The following TJP1 variants were observed in gnomAD, a reference collection of about 807,000 sequenced individuals.
TJP1 encodes the protein tight junction protein ZO-1.
A neutral mutation model predicts 194.2 loss-of-function variants in TJP1; 43 were observed. The observed-to-expected ratio is 0.22, with a 90% CI of 0.17 to 0.29. The LOEUF (loss-of-function observed/expected upper bound fraction) is 0.29, where lower values mean the gene tolerates loss of function less well. Among genes scored for constraint, TJP1 ranks in the 10% least tolerant of loss-of-function variants. The pLI, the probability that TJP1 is intolerant of heterozygous loss-of-function variation, is 1.00. For synonymous variants in TJP1, 801 were observed against 779.0 expected (o/e 1.03, Z -0.47); for missense variants, 1,971 against 2,185.7 (o/e 0.90, Z 1.96).
chr15:29,949,283 ACCG>A (rs1169559887), intron 2 of TJP1, among the ~76,000 whole-genome samples: 1 of 91,304 alleles, frequency 1.1e-5, no homozygotes, highest in Non-Finnish European at 2.1e-5. Context: ...CATCACCTCC[ACCG>A]CCATCACCTC....
At chr15:29,749,873 C>A (rs141107417) in intron 8 of TJP1, among the ~76,000 whole-genome samples, 1 of 152,140 alleles carries the variant, frequency 6.6e-6, no homozygotes, top group Non-Finnish European at 1.5e-5. Flanking sequence ...GACGGAGTCA[C>A]GCTCTGTCAC....
chr15:29,730,203 A>C (rs961545793), intron 15 of TJP1, among the ~76,000 whole-genome samples: 1 of 152,144 alleles, frequency 6.6e-6, no homozygotes, highest in African/African-American at 2.4e-5. Flanking sequence ...ATGGAATAAA[A>C]TTTAGGGTGG....
At chr15:29,817,725 A>C (rs1452236525) in intron 1 of TJP1, among the ~76,000 whole-genome samples, 3 of 152,184 alleles carry the variant, frequency 2.0e-5, no homozygotes, top group African/African-American at 4.8e-5. Context: ...TCAGCAAACT[A>C]ACACCAGAAC....
intron 2 of TJP1, among the ~76,000 whole-genome samples, chr15:29,791,736 T>C (rs1250319644): frequency 6.6e-6 from 1 of 152,140 alleles, no homozygotes; most frequent in Non-Finnish European, 1.5e-5. Context: ...TACATTCCTA[T>C]CAACAACGTA....
At chr15:29,757,557 T>C (rs770858522) in intron 8 of TJP1, among the ~76,000 whole-genome samples, 8 of 152,198 alleles carry the variant, frequency 5.3e-5, no homozygotes, top group Non-Finnish European at 1.0e-4. Flanking sequence ...ACTCCACAGT[T>C]ACAGGATTTG....
chr15:29,850,925 G>T (rs1401628920), intron 2 of TJP1, among the ~76,000 whole-genome samples: 1 of 152,122 alleles, frequency 6.6e-6, no homozygotes, highest in Non-Finnish European at 1.5e-5. Flanking sequence ...ATCACTTGAG[G>T]CCAGTAGTTT....
At chr15:29,720,217 C>A in intron 19 of TJP1, 141 bp downstream of exon 19, 1 of 1,106,382 alleles carries the variant, frequency 9.0e-7, no homozygotes, top group Non-Finnish European at 1.3e-6. Flanking sequence ...TAGAATTAAG[C>A]CCTTGGTACT....
intron 23 of TJP1, among the ~76,000 whole-genome samples, chr15:29,711,660 C>A (rs138939875): frequency 6.6e-6 from 1 of 152,210 alleles, no homozygotes; most frequent in Non-Finnish European, 1.5e-5. Context: ...AGCCACCGCA[C>A]CCGGCCCTAG....
At chr15:29,879,766 C>G (rs2052859521) in intron 2 of TJP1, among the ~76,000 whole-genome samples, 1 of 152,092 alleles carries the variant, frequency 6.6e-6, no homozygotes, top group African/African-American at 2.4e-5. Flanking sequence ...AGCTGGAGGG[C>G]AGTGGTGTGA....
chr15:29,718,344 G>A lies in TJP1; in HGVS notation c.3798C>T (p.Thr1266=), dbSNP rs201434992. ...DPAMKPQSVL[T]RVKMFENKRS... ...TTTTGTTTTCAAACATCTTAACTCT[G>A]GTGAGTACAGACTGTGGCTTCATTG... The change falls in exon 21 of 28, where the codon ACC becomes ACT. Residue 1266 remains threonine (T), a synonymous_variant. Transcript: ENST00000614355. The A allele has an allele frequency of 1.1e-5, 17 of 1,614,034 alleles. No homozygotes were observed. In the African/African-American group the frequency reaches 1.2e-4, roughly 11 times the overall value.
intron 2 of TJP1, among the ~76,000 whole-genome samples, chr15:29,845,486 A>G (rs2152073194): frequency 6.6e-6 from 1 of 152,288 alleles, no homozygotes; most frequent in South Asian, 2.1e-4. Flanking sequence ...CAAGCAAAAT[A>G]AAGAAGACAA....
intron 2 of TJP1, among the ~76,000 whole-genome samples, chr15:29,869,814 T>C (rs1022468103): frequency 7.6e-6 from 1 of 132,108 alleles, no homozygotes; most frequent in African/African-American, 2.8e-5. Context: ...TTTTTTTTTT[T>C]TTTTTTTTTT....
chr15:29,935,372 A>G (rs1477294285), intron 2 of TJP1, among the ~76,000 whole-genome samples: 1 of 152,172 alleles, frequency 6.6e-6, no homozygotes, highest in East Asian at 1.9e-4. Context: ...TGTGTCTTGT[A>G]GCAACCATTG....
intron 1 of TJP1, among the ~76,000 whole-genome samples, chr15:29,819,022 T>C (rs1287394216): frequency 1.3e-5 from 2 of 152,212 alleles, no homozygotes; most frequent in East Asian, 1.9e-4. Context: ...TTCACCATGT[T>C]GGCCAGGCTG....
intron 1 of TJP1, among the ~76,000 whole-genome samples, chr15:29,814,226 G>C (rs905463937): frequency 1.3e-5 from 2 of 152,160 alleles, no homozygotes; most frequent in Admixed American, 6.5e-5. Flanking sequence ...AAGCACACAA[G>C]AATGCTCTGT....
intron 27 of TJP1, 52 bp downstream of exon 27, chr15:29,704,110 T>A: frequency 6.5e-7 from 1 of 1,529,638 alleles, no homozygotes; most frequent in Non-Finnish European, 8.9e-7. Context: ...GCCCAGGTAT[T>A]AATCAACGAC....
chr15:29,764,436 C>A (rs962879460), intron 5 of TJP1, among the ~76,000 whole-genome samples: 3 of 151,942 alleles, frequency 2.0e-5, no homozygotes, highest in African/African-American at 7.3e-5. Context: ...AAGAAAGGGG[C>A]AAAAGAGTAA....
chr15:29,716,346 C>T lies in TJP1; in HGVS notation c.4202+265G>A, dbSNP rs751117683. On this transcript the variant is annotated intron_variant, in intron 23 of 27. Transcript: ENST00000614355. ...GAAGTGAAGACTGATGATTACCTAT[C>T]GATGAGGGTCCTTGTGGTTGACACT... 3.3e-5 allele frequency among the ~76,000 whole-genome samples: 5 copies of T among 152,308 alleles called. No homozygotes were observed. In the East Asian group the frequency reaches 7.7e-4, roughly 24 times the overall value.
Position 29,805,339 on chromosome 15 carries a change from T to C in TJP1, c.28-4637A>G, listed in dbSNP as rs565289283. ...AGTTTCACTGTCCTTCAGGACTGAT[T>C]ACTGAATGGGGAAAGATAGGAGGGC... On this transcript the variant is annotated intron_variant, in intron 1 of 27. Transcript: ENST00000614355. 4.6e-5 allele frequency among the ~76,000 whole-genome samples: 7 copies of C among 152,316 alleles called. No homozygotes were observed. The South Asian group carries it at 1.5e-3, about 32-fold the overall frequency.
Sources: allele counts gnomAD v4.1 joint callset (sites outside exome capture counted in the v4.1 genomes callset), GRCh38; gene constraint gnomAD v4.1.1; transcripts MANE v1.5; gene names NCBI Gene and HGNC (gene_info 2026-07-23, HGNC 2026-07-21).